DDX42: variants seen among roughly 807,000 people sequenced by gnomAD.
DDX42 encodes the protein ATP-dependent RNA helicase DDX42.
A neutral mutation model predicts 101.5 loss-of-function variants in DDX42; 22 were observed. That is an observed-to-expected ratio of 0.22 (90% CI 0.15 to 0.31). The LOEUF is 0.31. Among genes scored for constraint, DDX42 ranks in the 10% least tolerant of loss-of-function variants. The probability of loss-of-function intolerance (pLI) is 1.00; values close to 1 mark genes in which losing one functional copy is unlikely to be tolerated. For missense variants in DDX42, 849 were observed against 1,199.9 expected, an observed-to-expected ratio of 0.71 and a Z score of 4.32; for synonymous variants, 402 against 401.2, an observed-to-expected ratio of 1.00 and a Z score of -0.02.
chr17:63,812,026 C>T lies in DDX42; in HGVS notation c.1493C>T (p.Ser498Leu), dbSNP rs938122231. Residue 498 changes from serine to leucine, a missense_variant, in exon 14 of 18, where the codon TCA (serine) becomes TTA (leucine). This residue lies in a region of DDX42 where 370 missense variants were observed against 608.8 expected (regional missense o/e 0.61). Coordinates refer to ENST00000389924, the MANE Select transcript of DDX42 (RefSeq NM_203499.3). ...CGGCGTCTGGTAGAATTTACCTCTT[C>T]AGGGAGTGTCCTCCTCTTTGTTACT... ...LTRRLVEFTS[S>L]GSVLLFVTKK... 2 of 1,614,224 alleles carry T rather than the reference C, an allele frequency of 1.2e-6. No individual in the cohort carries two copies. Among genetic ancestry groups the T allele is most frequent in the Non-Finnish European group, 1.7e-6 (2 of 1,180,046 alleles).
chr17:63,804,987 T>C (rs541382098), intron 6 of DDX42, 84 bp from the exon 7 acceptor site: 8 of 1,497,140 alleles, frequency 5.3e-6, no homozygotes, highest in Non-Finnish European at 7.1e-6. Context: ...GTGTAAAATT[T>C]GGAAAAGATT....
chr17:63,773,859 G>A (rs1457797014), upstream of DDX42: 2 of 153,754 alleles, frequency 1.3e-5, no homozygotes, highest in African/African-American at 2.4e-5. Context: ...CACGTGGCCA[G>A]AGGCAAGAGT....
At chr17:63,817,533 C>A in intron 17 of DDX42, 161 bp from the exon 18 acceptor site, 1 of 663,812 alleles carries the variant, frequency 1.5e-6, no homozygotes, top group Non-Finnish European at 2.5e-6. Context: ...TCCTTTATAG[C>A]ACAAGAACAA....
At chr17:63,787,710 C>T (rs933679172) in intron 2 of DDX42, among the ~76,000 whole-genome samples, 5 of 151,490 alleles carry the variant, frequency 3.3e-5, no homozygotes, top group East Asian at 4.0e-4. Context: ...TGGTGGTGCA[C>T]GCCTATAATC....
chr17:63,808,734 C>T lies in DDX42; in HGVS notation c.1024-86C>T, dbSNP rs546778489. ...TAGGTTTCGATTTTTTATGACATCA[C>T]ATTCTGTTTTTCAGAACTTCGTTTG... On this transcript the variant is annotated intron_variant, in intron 9 of 17. Coordinates refer to ENST00000389924, the MANE Select transcript of DDX42 (RefSeq NM_203499.3). The T allele has an allele frequency of 2.1e-4, 316 of 1,540,252 alleles. 2 individuals carry two copies. Among genetic ancestry groups the T allele is most frequent in the Middle Eastern group, 3.6e-4 (2 of 5,554 alleles).
rs62077537 is a variant in DDX42 at position 63,800,721 on chromosome 17, C to T, written c.621+104C>T. On this transcript the variant is annotated intron_variant, in intron 6 of 17. Coordinates refer to ENST00000389924, the MANE Select transcript of DDX42 (RefSeq NM_203499.3). ...TAGTGGAATACTCTTACATCATGAG[C>T]GTATGCATCTTGTCATCTCTACTAA... The T allele has an allele frequency of 6.3e-3, 8,566 of 1,369,460 alleles. 46 individuals are homozygous for T. Among genetic ancestry groups the T allele is most frequent in the Non-Finnish European group, 7.3e-3 (7,315 of 999,592 alleles). 84.8% of individuals were successfully genotyped at this position (1,369,460 alleles called of 1,614,324 possible). A position where few individuals can be genotyped will look rare whatever the true frequency, so the allele number is the denominator to read the frequency against.
intron 1 of DDX42, among the ~76,000 whole-genome samples, chr17:63,780,402 A>T (rs1022911129): frequency 2.0e-5 from 3 of 152,318 alleles, no homozygotes; most frequent in Middle Eastern, 3.4e-3. Context: ...GTGGTTAGCT[A>T]GATAACAAGG....
Position 63,800,592 on chromosome 17 carries a change from C to T in DDX42, c.596C>T (p.Pro199Leu). 6.2e-7 allele frequency: 1 copy of T among 1,614,014 alleles called. No homozygotes were observed. The highest frequency in any genetic ancestry group is 8.5e-7 in the Non-Finnish European group (1 of 1,179,974). The change falls in exon 6 of 18, where the codon CCT (proline) becomes CTT (leucine). Residue 199 changes from proline to leucine, a missense_variant. Coordinates refer to ENST00000389924, the MANE Select transcript of DDX42 (RefSeq NM_203499.3). ...GCACCTACCAAAAAAATCATTGATC[C>T]TCTTCCCCCCATTGATCATTCAGAG... ...PIAPTKKIID[P>L]LPPIDHSEID...
intron 6 of DDX42, among the ~76,000 whole-genome samples, chr17:63,804,836 G>C (rs139119837): frequency 6.6e-6 from 1 of 152,092 alleles, no homozygotes; most frequent in Non-Finnish European, 1.5e-5. Flanking sequence ...GTGACAGAGC[G>C]AAACTGTCTC....
At chr17:63,777,079 T>A (rs571668807) in intron 1 of DDX42, among the ~76,000 whole-genome samples, 318 of 152,198 alleles carry the variant, frequency 2.1e-3, no homozygotes, top group African/African-American at 7.2e-3. Flanking sequence ...GCTAATTTTT[T>A]AAATTTTTTT....
intron 1 of DDX42, among the ~76,000 whole-genome samples, chr17:63,776,974 TC>T (rs1348091835): frequency 1.3e-5 from 2 of 152,248 alleles, no homozygotes; most frequent in African/African-American, 4.8e-5. Flanking sequence ...AGTGGTCCAG[TC>T]AGCTCATTGT....
Position 63,798,913 on chromosome 17 carries a change from C to T in DDX42, c.435-676C>T, listed in dbSNP as rs118032121. Among the ~76,000 whole-genome samples, 874 of 152,204 alleles carry T rather than the reference C, an allele frequency of 5.7e-3. 2 individuals carry two copies. The highest frequency in any genetic ancestry group is 0.014 in the Admixed American group (216 of 15,284). On this transcript the variant is annotated intron_variant, in intron 4 of 17. Coordinates refer to ENST00000389924, the MANE Select transcript of DDX42 (RefSeq NM_203499.3). ...GCCCTGCACTGGTGGTGTTGCTTGC[C>T]GGTTGCCTTAGGAATAGCAAGCGCT...
intron 1 of DDX42, among the ~76,000 whole-genome samples, chr17:63,780,283 C>G (rs939673474): frequency 1.4e-5 from 2 of 141,340 alleles, no homozygotes; most frequent in East Asian, 4.1e-4. Flanking sequence ...GCAACAAGAG[C>G]GAAACTGTCT....
chr17:63,776,873 AC>A (rs1243517980), intron 1 of DDX42, among the ~76,000 whole-genome samples: 1 of 152,062 alleles, frequency 6.6e-6, no homozygotes, highest in African/African-American at 2.4e-5. Flanking sequence ...AGCCTGTGCT[AC>A]TTTACTATTC....
At chr17:63,807,356 G>A (rs543671757) in intron 8 of DDX42, among the ~76,000 whole-genome samples, 1 of 152,234 alleles carries the variant, frequency 6.6e-6, no homozygotes, top group East Asian at 1.9e-4. Context: ...GCCCAGGCTG[G>A]TCTCGAGCTC....
At chr17:63,813,948 T>G (rs1233215629) in intron 15 of DDX42, among the ~76,000 whole-genome samples, 1 of 152,090 alleles carries the variant, frequency 6.6e-6, no homozygotes, top group Non-Finnish European at 1.5e-5. Flanking sequence ...CAAGCAATTC[T>G]CCTGCCTTAG....
At chr17:63,809,063 G>A in intron 10 of DDX42, 115 bp downstream of exon 10, 1 of 1,408,648 alleles carries the variant, frequency 7.1e-7, no homozygotes, top group Non-Finnish European at 9.6e-7. Flanking sequence ...AAAATATACT[G>A]ATGAACGGCA....
chr17:63,815,866 G>A (rs1716469727), intron 16 of DDX42, 193 bp downstream of exon 16: 2 of 329,988 alleles, frequency 6.1e-6, no homozygotes, highest in South Asian at 6.8e-5. Flanking sequence ...AAGCATCTTT[G>A]TGTACTTGGT....
chr17:63,794,425 C>G (rs551655414), intron 3 of DDX42, among the ~76,000 whole-genome samples: 1 of 151,968 alleles, frequency 6.6e-6, no homozygotes, highest in South Asian at 2.1e-4. Flanking sequence ...TGCTGTAGTT[C>G]CAGCTACTTG....
Sources: gnomAD v4.1 joint callset for allele counts (sites outside exome capture counted in the v4.1 genomes callset) on GRCh38, gnomAD v4.1.1 for gene constraint, gnomAD v4.1.1 regional missense constraint, MANE v1.5 for transcripts, NCBI Gene and HGNC (gene_info 2026-07-23, HGNC 2026-07-21) for gene names.